Variants in GPR174 observed in about 807,000 individuals in gnomAD.
The protein encoded by GPR174 is G protein-coupled receptor 174.
In GPR174, 8 loss-of-function variants were observed where a neutral mutation model predicts 16.5. The ratio of observed to expected loss-of-function variants is 0.48; its 90% CI spans 0.28 to 0.87. The LOEUF (loss-of-function observed/expected upper bound fraction) is 0.87, where lower values mean the gene tolerates loss of function less well. Ranked by LOEUF, GPR174 falls within the 40% of genes least tolerant of loss-of-function variation. GPR174 has a pLI of 0.09. For missense variants in GPR174, 214 were observed against 247.5 expected (o/e 0.86, Z 0.91); for synonymous variants, 111 against 94.8 (o/e 1.17, Z -0.99).
At chrX:79,167,270 G>T (rs1363900994) in intron 2 of GPR174, among the ~76,000 whole-genome samples, 1 of 111,988 alleles carries the variant, frequency 8.9e-6, no homozygotes, top group Non-Finnish European at 1.9e-5. Flanking sequence ...TGTGATGCTT[G>T]TTAAAATGTA....
At chrX:79,160,741 C>G (rs1156355065) in intron 2 of GPR174, among the ~76,000 whole-genome samples, 1 of 111,446 alleles carries the variant, frequency 9.0e-6, no homozygotes, top group Admixed American at 9.5e-5. Flanking sequence ...CAAGTTAAAT[C>G]AGAATAATAT....
At chrX:79,168,856 T>C (rs748164110) in intron 2 of GPR174, among the ~76,000 whole-genome samples, 1 of 111,709 alleles carries the variant, frequency 9.0e-6, no homozygotes, top group South Asian at 3.7e-4. Flanking sequence ...TCTTCATAGA[T>C]AATGAAGCTT....
chrX:79,173,891 T>C lies in GPR174; in HGVS notation c.*1882T>C, dbSNP rs749244462. ...CTTTAAAGTGTCTTTTGTTTGACTA[T>C]AATTTAGTGTTGCAATAGGATTGCA... On this transcript the variant is annotated 3_prime_UTR_variant, in exon 3 of 3. Transcript: ENST00000645147. 1.3e-3 allele frequency: 151 copies of C among 112,096 alleles called. 2 individuals are homozygous for C. Among genetic ancestry groups the C allele is most frequent in the African/African-American group, 4.7e-3 (145 of 30,922 alleles). The allele number at this position is 112,096 out of a possible 1,213,427, so 9.2% of individuals were successfully genotyped here. A position where few individuals can be genotyped will look rare whatever the true frequency, so the allele number is the denominator to read the frequency against.
chrX:79,174,206 G>C lies in GPR174; in HGVS notation c.*2197G>C, dbSNP rs909351042. ...TTTACATCATTCCAAAAAAGGACCA[G>C]TATTCAGTGTTATGCTGCTTAGCTG... On this transcript the variant is annotated 3_prime_UTR_variant, in exon 3 of 3. Coordinates refer to ENST00000645147, the MANE Select transcript of GPR174 (RefSeq NM_032553.3). The C allele has an allele frequency of 9.2e-5, 10 of 108,990 alleles. 1 individual carries two copies. The highest frequency in any genetic ancestry group is 3.0e-4 in the African/African-American group (9 of 29,970). 9.0% of individuals were successfully genotyped at this position (108,990 alleles called of 1,213,427 possible).
intron 2 of GPR174, among the ~76,000 whole-genome samples, chrX:79,164,478 G>C (rs1457895570): frequency 9.0e-6 from 1 of 111,281 alleles, no homozygotes; most frequent in Non-Finnish European, 1.9e-5. Context: ...CTAACCGGAA[G>C]GATATTTCTG....
At chrX:79,161,145 C>A (rs1449900503) in intron 2 of GPR174, among the ~76,000 whole-genome samples, 1 of 111,805 alleles carries the variant, frequency 8.9e-6, no homozygotes, top group Non-Finnish European at 1.9e-5. Flanking sequence ...ATTGCTGAAA[C>A]AAACAATTGG....
At position 79,171,273 on chromosome X, in the gene GPR174, G is replaced by A; in HGVS notation, c.266G>A (p.Gly89Asp). ...AATCATGACTGGCCATTTGGGCCTG[G>A]TCTCTGCATGTTCTGTTTCTACCTG... ...YLNHDWPFGP[G>D]LCMFCFYLKY... Residue 89 changes from glycine to aspartate, a missense_variant, in exon 3 of 3, where the codon GGT becomes GAT. Transcript: ENST00000645147. 8.3e-7 allele frequency: 1 copy of A among 1,211,322 alleles called. No individual in the cohort carries two copies. The highest frequency in any genetic ancestry group is 1.1e-6 in the Non-Finnish European group (1 of 895,159).
In GPR174 at chrX:79,159,284, A is replaced by G. The variant is rs906718982; in HGVS notation, c.-557+2366A>G. On this transcript the variant is annotated intron_variant, in intron 2 of 2. Coordinates refer to ENST00000645147, the MANE Select transcript of GPR174 (RefSeq NM_032553.3). The stretch of plus-strand genomic sequence containing the variant: ...AAAAGAGAGAGACCCAACCATTACT[A>G]CTACCAAACAAAAAACAAAACAAAC... Among the ~76,000 whole-genome samples, 9 of 111,550 alleles carry G rather than the reference A, an allele frequency of 8.1e-5. 1 individual carries two copies. The highest frequency in any genetic ancestry group is 2.6e-4 in the African/African-American group (8 of 30,692).
rs986146711 is a variant in GPR174, at chrX:79,172,295, T to C, written c.*286T>C. 6 of 259,807 alleles carry C rather than the reference T, an allele frequency of 2.3e-5. No homozygotes were observed. The highest frequency in any genetic ancestry group is 2.4e-3 in the Middle Eastern group (2 of 848). The allele number at this position is 259,807 out of a possible 1,213,427, so 21.4% of individuals were successfully genotyped here. On this transcript the variant is annotated 3_prime_UTR_variant, in exon 3 of 3. Coordinates refer to ENST00000645147, the MANE Select transcript of GPR174 (RefSeq NM_032553.3). ...AACATATGCACTCAACTGTAGTCAG[T>C]ACTTTTACCTGTGAACCTCAGGCAC...
At chrX:79,162,701 A>C (rs1370683663) in intron 2 of GPR174, among the ~76,000 whole-genome samples, 2 of 112,032 alleles carry the variant, frequency 1.8e-5, no homozygotes, top group Non-Finnish European at 3.8e-5. Context: ...CGAGGAATGC[A>C]TAAATTAATA....
rs767601734 is a variant in GPR174, at chrX:79,171,451, C to T, written c.444C>T (p.Ala148=). 13 of 1,209,340 alleles carry T rather than the reference C, an allele frequency of 1.1e-5. No homozygotes were observed. The East Asian group carries it at 3.3e-4, about 30-fold the overall frequency. ...CTGGCTGGCTGATCATCTGCCTTGC[C>T]TGTGTACTCTTTCCACTCCTCAGAA... The part of the protein sequence containing the change: ...SIAGWLIICL[A]CVLFPLLRTS... Residue 148 remains alanine, a synonymous_variant, in exon 3 of 3, where the codon GCC becomes GCT. Transcript: ENST00000645147.
At position 79,171,783 on chromosome X, in the gene GPR174, A is replaced by C. The variant is rs781026416; in HGVS notation, c.776A>C (p.Asn259Thr). The C allele has an allele frequency of 8.3e-7, 1 of 1,210,693 alleles. No homozygotes were observed. Residue 259 changes from asparagine to threonine, a missense_variant, in exon 3 of 3, where the codon AAT (asparagine) becomes ACT (threonine). By Grantham distance (65) the Asn-to-Thr change is moderately conservative. Transcript: ENST00000645147. ...SFPLDFLVKS[N>T]EIKSCLARRV... ...CCTTTAGATTTCCTGGTGAAGTCCA[A>C]TGAAATTAAAAGCTGCCTAGCCAGA... is the stretch of plus-strand genomic sequence containing the variant.
rs1214784339 is a variant in GPR174 at position 79,158,664 on chromosome X, G to A, written c.-557+1746G>A. ...TCACCATGTTGGCCAGGATGGTCTCGATCTCTTGACCTCGTGATCCACCTG... is the reference window on the plus strand; with the variant it reads ...TCACCATGTTGGCCAGGATGGTCTCAATCTCTTGACCTCGTGATCCACCTG... On this transcript the variant is annotated intron_variant, in intron 2 of 2. Transcript: ENST00000645147. Among the ~76,000 whole-genome samples, 20 of 106,042 alleles carry A rather than the reference G, an allele frequency of 1.9e-4. 1 individual carries two copies. The Middle Eastern group carries it at 0.019, about 101-fold the overall frequency. 92.1% of individuals were successfully genotyped at this position (106,042 alleles called of 115,157 possible). A position where few individuals can be genotyped will look rare whatever the true frequency, so the allele number is the denominator to read the frequency against.
chrX:79,155,502 GTACTCTATT>G (rs1921075266), intron 1 of GPR174, among the ~76,000 whole-genome samples: 1 of 111,502 alleles, frequency 9.0e-6, no homozygotes, highest in Non-Finnish European at 1.9e-5. Context: ...AATGTGTCTA[GTACTCTATT>G]TACTAGGTGC....
chrX:79,169,292 T>C (rs982066690), intron 2 of GPR174, among the ~76,000 whole-genome samples: 2 of 112,023 alleles, frequency 1.8e-5, no homozygotes, highest in Admixed American at 9.4e-5. Context: ...AGTTAAAATA[T>C]GGATTTTTTC....
Position 79,147,507 on chromosome X carries a change from G to GA in GPR174, c.-654+2303dup, listed in dbSNP as rs3031528. Among the ~76,000 whole-genome samples the GA allele has an allele frequency of 1.8e-3, 155 of 88,310 alleles. 1 individual carries two copies. The highest frequency in any genetic ancestry group is 3.5e-3 in the South Asian group (6 of 1,718). 76.7% of individuals were successfully genotyped at this position (88,310 alleles called of 115,157 possible). ...AAGAGTTTTTCCTACTGTGCTCATA[G>GA]AAAAAAAAAAAAACCCAAAGTGCAA... On this transcript the variant is annotated intron_variant, in intron 1 of 2. Transcript: ENST00000645147.
rs77321299 is a variant in GPR174 at position 79,173,753 on chromosome X, G to A, written c.*1744G>A. On this transcript the variant is annotated 3_prime_UTR_variant, in exon 3 of 3. Transcript: ENST00000645147. ...TTGTGCTGCTAGCAAGTGTATCTAT[G>A]TGTCTCCTAACTAATCATTGTAAGG... The A allele has an allele frequency of 8.9e-5, 10 of 112,314 alleles. No homozygotes were observed. The East Asian group carries it at 2.8e-3, about 32-fold the overall frequency. 9.3% of individuals were successfully genotyped at this position (112,314 alleles called of 1,213,427 possible). A position where few individuals can be genotyped will look rare whatever the true frequency, so the allele number is the denominator to read the frequency against.
intron 1 of GPR174, among the ~76,000 whole-genome samples, chrX:79,155,119 A>G (rs1921065484): frequency 8.9e-6 from 1 of 112,030 alleles, no homozygotes; most frequent in African/African-American, 3.2e-5. Context: ...TTAATCTGTG[A>G]CCCTGCTCAG....
intron 1 of GPR174, among the ~76,000 whole-genome samples, chrX:79,153,844 G>T (rs753877999): frequency 8.9e-6 from 1 of 111,834 alleles, no homozygotes; most frequent in East Asian, 2.8e-4. Context: ...AGTTCTGATT[G>T]TGCCATTAAC....
Sources: gnomAD v4.1 joint callset for allele counts (sites outside exome capture counted in the v4.1 genomes callset) on GRCh38, gnomAD v4.1.1 for gene constraint, MANE v1.5 for transcripts, NCBI Gene and HGNC (gene_info 2026-07-23, HGNC 2026-07-21) for gene names.